Variants in CAPG observed in about 807,000 individuals in gnomAD.
CAPG encodes capping actin protein, gelsolin like.
A neutral mutation model predicts 44.6 loss-of-function variants in CAPG; 32 were observed. The ratio of observed to expected loss-of-function variants is 0.72; its 90% CI spans 0.54 to 0.96. The LOEUF is 0.96. Among genes scored for constraint, CAPG ranks in the 50% least tolerant of loss-of-function variants. The pLI is 0.00. For missense variants in CAPG, 412 were observed against 438.3 expected (o/e 0.94, Z 0.54); for synonymous variants, 175 against 179.6 (o/e 0.97, Z 0.20).
chr2:85,398,873 C>T (rs1686739852), intron 6 of CAPG, 91 bp from the exon 7 acceptor site: 1 of 1,051,712 alleles, frequency 9.5e-7, no homozygotes, highest in Admixed American at 2.6e-5. Context: ...TCTGGTGGGG[C>T]AAACTGCGCC....
intron 8 of CAPG, 101 bp downstream of exon 8, chr2:85,397,919 G>C: frequency 8.1e-7 from 1 of 1,229,938 alleles, no homozygotes; most frequent in Non-Finnish European, 1.1e-6. Flanking sequence ...TCCTGAGGCT[G>C]TCTTTTACAA....
intron 1 of CAPG, among the ~76,000 whole-genome samples, chr2:85,407,858 C>G (rs983140736): frequency 2.6e-5 from 4 of 152,122 alleles, no homozygotes; most frequent in African/African-American, 9.7e-5. Flanking sequence ...GACTCTAATG[C>G]TTGGTCAGGG....
At chr2:85,399,369 TCTCTCC>T in intron 5 of CAPG, 84 bp from the exon 6 acceptor site, 1 of 1,405,048 alleles carries the variant, frequency 7.1e-7, no homozygotes. Context: ...CAGCTCTCCC[TCTCTCC>T]TCTCTGAACT....
chr2:85,410,906 G>A (rs578245552), upstream of CAPG, among the ~76,000 whole-genome samples: 1 of 150,426 alleles, frequency 6.6e-6, no homozygotes, highest in East Asian at 2.0e-4. Flanking sequence ...TGTCACGCAA[G>A]CTGGAGTGCC....
chr2:85,399,727 C>A (rs1364481117), intron 5 of CAPG, among the ~76,000 whole-genome samples: 1 of 150,878 alleles, frequency 6.6e-6, no homozygotes, highest in Non-Finnish European at 1.5e-5. Flanking sequence ...TGGGCTCAAG[C>A]CTCTTTCTTT....
In CAPG at chr2:85,394,920, G is replaced by A. The variant is rs1245639824; in HGVS notation, c.1020C>T (p.Phe340=). The stretch of plus-strand genomic sequence containing the variant: ...ATTTCCAGTCCTTGAAAAATTGCTT[G>A]AAGATGGGACTCTCATGGCCCTGAG... The part of the protein sequence containing the change: ...ILPQGHESPI[F]KQFFKDWK The change falls in exon 10 of 10, where the codon TTC becomes TTT. Residue 340 remains phenylalanine (F), a synonymous_variant. Transcript: ENST00000263867. 1 of 1,613,568 alleles carries A rather than the reference G, an allele frequency of 6.2e-7. No individual in the cohort carries two copies. Among genetic ancestry groups the A allele is most frequent in the Non-Finnish European group, 8.5e-7 (1 of 1,179,450 alleles).
chr2:85,398,663 G>T, intron 7 of CAPG, 27 bp downstream of exon 7: 3 of 1,564,618 alleles, frequency 1.9e-6, no homozygotes, highest in Non-Finnish European at 2.6e-6. Flanking sequence ...CTGCTGCCGG[G>T]TCCCAGGGCA....
chr2:85,403,189 T>C (rs973509582), intron 1 of CAPG, among the ~76,000 whole-genome samples: 2 of 152,162 alleles, frequency 1.3e-5, no homozygotes, highest in African/African-American at 4.8e-5. Flanking sequence ...ATTTTACAGA[T>C]ATTAAAAGGA....
chr2:85,399,227 T>A lies in CAPG; in HGVS notation c.575A>T (p.Asp192Val). Reference sequence around the variant, plus strand: ...ACTGTCCCGGATGGCCAGGGCCAGGTCCCTCGCCTTGTTGCGTTCCAGGAT... The same window carrying A: ...ACTGTCCCGGATGGCCAGGGCCAGGACCCTCGCCTTGTTGCGTTCCAGGAT... ...SNILERNKAR[D>V]LALAIRDSER... is the part of the protein sequence containing the mutation. The change falls in exon 6 of 10, where the codon GAC becomes GTC. Residue 192 changes from aspartate to valine, a missense_variant. Coordinates refer to ENST00000263867, the MANE Select transcript of CAPG (RefSeq NM_001747.4). 6.2e-7 allele frequency: 1 copy of A among 1,614,154 alleles called. No homozygotes were observed. The highest frequency in any genetic ancestry group is 8.5e-7 in the Non-Finnish European group (1 of 1,179,988).
At chr2:85,397,773 A>C (rs1686674505) in intron 8 of CAPG, among the ~76,000 whole-genome samples, 1 of 151,600 alleles carries the variant, frequency 6.6e-6, no homozygotes, top group African/African-American at 2.4e-5. Flanking sequence ...TAATCCCAGC[A>C]CTTTGGGAGG....
intron 1 of CAPG, among the ~76,000 whole-genome samples, chr2:85,415,660 T>A (rs1442091933): frequency 6.6e-6 from 1 of 152,026 alleles, no homozygotes; most frequent in Non-Finnish European, 1.5e-5. Context: ...CTCAAAAAAA[T>A]TTTTACTGAA....
Position 85,402,636 on chromosome 2 carries a change from T to C in CAPG, c.-13-478A>G, listed in dbSNP as rs570100219. 1.2e-4 allele frequency among the ~76,000 whole-genome samples: 18 copies of C among 152,188 alleles called. 1 individual carries two copies. The South Asian group carries it at 3.7e-3, about 32-fold the overall frequency. ...CAACACCATCACACCTGGCTAATTT[T>C]TGTATTTTTAGTAGAGATGGGGTTT... On this transcript the variant is annotated intron_variant, in intron 1 of 9. Coordinates refer to ENST00000263867, the MANE Select transcript of CAPG (RefSeq NM_001747.4).
chr2:85,417,418 T>G (rs1687580189), intron 1 of CAPG, among the ~76,000 whole-genome samples: 1 of 151,572 alleles, frequency 6.6e-6, no homozygotes. Flanking sequence ...CCCTCCCCAC[T>G]ATCACCGCAT....
intron 1 of CAPG, among the ~76,000 whole-genome samples, chr2:85,406,588 G>A (rs928664702): frequency 3.3e-5 from 5 of 152,150 alleles, no homozygotes; most frequent in African/African-American, 1.2e-4. Context: ...GCCGGGCACA[G>A]TGGCTCATGC....
At chr2:85,408,702 T>A (rs978196096) in intron 1 of CAPG, 1 of 151,968 alleles carries the variant, frequency 6.6e-6, no homozygotes, top group East Asian at 1.9e-4. Context: ...CAGGGTGCAG[T>A]GAACAAGGGA....
chr2:85,416,756 T>TGCCTGCCTCG (rs1293310673), intron 1 of CAPG, among the ~76,000 whole-genome samples: 1 of 152,152 alleles, frequency 6.6e-6, no homozygotes, highest in Non-Finnish European at 1.5e-5. Flanking sequence ...TCAGGTGATC[T>TGCCTGCCTCG]GCCTGCCTCG....
upstream of CAPG, among the ~76,000 whole-genome samples, chr2:85,414,463 T>A (rs992873460): frequency 6.7e-6 from 1 of 149,350 alleles, no homozygotes; most frequent in Non-Finnish European, 1.5e-5. Context: ...AGGGTCTCAC[T>A]CTGTCGCGGC....
chr2:85,416,248 GT>G (rs58162788), intron 1 of CAPG, among the ~76,000 whole-genome samples: 1,970 of 152,272 alleles, frequency 0.013, 49 homozygotes, highest in African/African-American at 0.045. Context: ...CTCATTTCCA[GT>G]GCTGAGAAGT....
Position 85,395,460 on chromosome 2 carries a change from C to T in CAPG, c.981+78G>A, listed in dbSNP as rs73945742. On this transcript the variant is annotated intron_variant, in intron 9 of 9. Transcript: ENST00000263867. The surrounding 1 kb of genome is among the most constrained non-coding windows in gnomAD (Gnocchi z 4.3). ...TGACAGTGCCCAAGGCTCTCCTGCC[C>T]TTCCTGGCCAATTTGAGGGGTCAGG... The T allele has an allele frequency of 8.2e-7, 1 of 1,221,776 alleles. No homozygotes were observed. The highest frequency in any genetic ancestry group is 1.2e-6 in the Non-Finnish European group (1 of 843,822). The allele number at this position is 1,221,776 out of a possible 1,614,324, so 75.7% of individuals were successfully genotyped here.
Sources: allele counts gnomAD v4.1 joint callset (sites outside exome capture counted in the v4.1 genomes callset), GRCh38; gene constraint gnomAD v4.1.1; non-coding constraint Gnocchi (gnomAD v3.1); transcripts MANE v1.5; gene names NCBI Gene and HGNC (gene_info 2026-07-23, HGNC 2026-07-21).